The following SMC1B variants were observed in gnomAD, a reference collection of about 807,000 sequenced individuals.
SMC1B encodes structural maintenance of chromosomes protein 1B.
SMC1B carries 60 observed loss-of-function variants against 157.9 expected under a neutral mutation model. That is an observed-to-expected ratio of 0.38 (90% CI 0.31 to 0.47). The LOEUF is 0.47. Ranked by LOEUF, SMC1B falls within the 20% of genes least tolerant of loss-of-function variation. The pLI is 0.99. For synonymous variants in SMC1B, 445 were observed against 483.0 expected, an observed-to-expected ratio of 0.92 and a Z score of 1.03; for missense variants, 1,165 against 1,426.2, an observed-to-expected ratio of 0.82 and a Z score of 2.95.
At chr22:45,379,364 G>C (rs1311219819) in intron 12 of SMC1B, among the ~76,000 whole-genome samples, 1 of 152,122 alleles carries the variant, frequency 6.6e-6, no homozygotes. Context: ...ATCTTTTAAT[G>C]GGAGACTTAA....
chr22:45,354,252 C>G (rs2086647876), intron 20 of SMC1B, 120 bp from the exon 21 acceptor site: 2 of 698,158 alleles, frequency 2.9e-6, no homozygotes, highest in Non-Finnish European at 4.5e-6. Flanking sequence ...AGTAAAGGTA[C>G]CTTCAAAATA....
intron 19 of SMC1B, among the ~76,000 whole-genome samples, chr22:45,358,096 T>G (rs1324945002): frequency 6.6e-6 from 1 of 152,202 alleles, no homozygotes; most frequent in East Asian, 1.9e-4. Flanking sequence ...TCCAGGTTGG[T>G]GACCACACAA....
At chr22:45,412,635 T>C (rs2146864841) in intron 1 of SMC1B, among the ~76,000 whole-genome samples, 1 of 150,316 alleles carries the variant, frequency 6.7e-6, no homozygotes. Flanking sequence ...GCCTCCAGAG[T>C]AGTTGGGATT....
At chr22:45,386,754 G>T in intron 11 of SMC1B, 113 bp downstream of exon 11, 1 of 944,442 alleles carries the variant, frequency 1.1e-6, no homozygotes, top group Non-Finnish European at 1.5e-6. Context: ...GTTCTCTTTA[G>T]AAAAAAGAAC....
chr22:45,407,997 A>G (rs2087283360), intron 2 of SMC1B, among the ~76,000 whole-genome samples: 1 of 152,232 alleles, frequency 6.6e-6, no homozygotes, highest in South Asian at 2.1e-4. Flanking sequence ...TTGGTGGTAG[A>G]AAAAACTGTC....
In SMC1B at chr22:45,406,532, A is replaced by T; in HGVS notation, c.543T>A (p.Asp181Glu). ...KKRKLQKAEE[D>E]AQFNFNKKKN... The stretch of plus-strand genomic sequence containing the variant: ...TTTTCTTATTAAAGTTAAACTGTGC[A>T]TCCTCTTCGGCTTTTTGTAACTTTC... The change falls in exon 4 of 25, where the codon GAT becomes GAA. Residue 181 changes from aspartate to glutamate, a missense_variant. By Grantham distance (45) the Asp-to-Glu change is conservative. Transcript: ENST00000357450. The T allele has an allele frequency of 6.2e-7, 1 of 1,613,168 alleles. No individual in the cohort carries two copies. Among genetic ancestry groups the T allele is most frequent in the Non-Finnish European group, 8.5e-7 (1 of 1,179,902 alleles).
chr22:45,362,479 T>C (rs892992454), intron 16 of SMC1B, among the ~76,000 whole-genome samples: 1 of 152,180 alleles, frequency 6.6e-6, no homozygotes, highest in African/African-American at 2.4e-5. Flanking sequence ...ACCATTCTCA[T>C]GTGGTTTCAG....
At chr22:45,365,062 C>T (rs746972093) in intron 15 of SMC1B, among the ~76,000 whole-genome samples, 2 of 152,062 alleles carry the variant, frequency 1.3e-5, no homozygotes, top group African/African-American at 2.4e-5. Context: ...TGGTCTCGAT[C>T]GCCTGACCTC....
chr22:45,410,435 G>A (rs756752284), intron 1 of SMC1B, among the ~76,000 whole-genome samples: 14 of 152,162 alleles, frequency 9.2e-5, no homozygotes, highest in Non-Finnish European at 1.3e-4. Context: ...GGGCGCAGCA[G>A]CTCACACCTG....
chr22:45,344,513 G>C lies in SMC1B; in HGVS notation c.*43C>G, dbSNP rs765202796. 2 of 1,392,136 alleles carry C rather than the reference G, an allele frequency of 1.4e-6. No individual in the cohort carries two copies. The highest frequency in any genetic ancestry group is 1.2e-5 in the South Asian group (1 of 86,294). 86.2% of individuals were successfully genotyped at this position (1,392,136 alleles called of 1,614,324 possible). A position where few individuals can be genotyped will look rare whatever the true frequency, so the allele number is the denominator to read the frequency against. On this transcript the variant is annotated 3_prime_UTR_variant, in exon 25 of 25. Coordinates refer to ENST00000357450, the MANE Select transcript of SMC1B (RefSeq NM_148674.5). The stretch of plus-strand genomic sequence containing the variant: ...GTGGAGGAGCTGTGTGAGTATTAGA[G>C]TGGGAACTGAACAGTGATCAGGTGA...
intron 12 of SMC1B, among the ~76,000 whole-genome samples, chr22:45,380,030 C>T (rs1342978383): frequency 6.6e-6 from 1 of 152,116 alleles, no homozygotes; most frequent in Non-Finnish European, 1.5e-5. Context: ...AGCTATTGCT[C>T]CCAGCCACTT....
chr22:45,359,935 T>C lies in SMC1B; in HGVS notation c.2732A>G (p.Glu911Gly), dbSNP rs1282513472. The C allele has an allele frequency of 1.2e-6, 2 of 1,613,226 alleles. No individual in the cohort carries two copies. Among genetic ancestry groups the C allele is most frequent in the Middle Eastern group, 1.7e-4 (1 of 6,058 alleles). Residue 911 changes from glutamate (E) to glycine (G), a missense_variant, in exon 18 of 25, where the codon GAA becomes GGA. Transcript: ENST00000357450. ...VDREVGKLQK[E>G]VVSIQTSLEQ... ...CAGAGAAGTTTGAATACTTACAACT[T>C]CTTTTTGCAATTTCCCCACTTCCCT... is the stretch of plus-strand genomic sequence containing the variant.
At chr22:45,382,303 A>C (rs1395107009) in intron 12 of SMC1B, among the ~76,000 whole-genome samples, 1 of 152,234 alleles carries the variant, frequency 6.6e-6, no homozygotes, top group Non-Finnish European at 1.5e-5. Flanking sequence ...AAAAGGAATA[A>C]ACTTTTGATA....
At chr22:45,366,644 T>C (rs1273094511) in intron 15 of SMC1B, among the ~76,000 whole-genome samples, 1 of 152,188 alleles carries the variant, frequency 6.6e-6, no homozygotes, top group Non-Finnish European at 1.5e-5. Context: ...ACACCTGTAA[T>C]CCCAGCACTT....
intron 1 of SMC1B, among the ~76,000 whole-genome samples, chr22:45,409,638 G>T (rs2087308273): frequency 6.6e-6 from 1 of 151,550 alleles, no homozygotes; most frequent in Non-Finnish European, 1.5e-5. Flanking sequence ...CTAAATCCAG[G>T]ATCGAGGGCT....
chr22:45,404,994 T>C (rs1454547983), intron 4 of SMC1B, among the ~76,000 whole-genome samples: 2 of 152,172 alleles, frequency 1.3e-5, no homozygotes, highest in African/African-American at 4.8e-5. Flanking sequence ...TAGGGTAATG[T>C]GCTAGTACAA....
intron 4 of SMC1B, among the ~76,000 whole-genome samples, chr22:45,404,785 C>T (rs992831696): frequency 6.6e-6 from 1 of 152,172 alleles, no homozygotes; most frequent in Non-Finnish European, 1.5e-5. Flanking sequence ...TGTATAAAAC[C>T]TAGCTGTGGC....
intron 4 of SMC1B, among the ~76,000 whole-genome samples, chr22:45,404,814 T>C (rs1020664173): frequency 6.6e-6 from 1 of 152,236 alleles, no homozygotes; most frequent in Non-Finnish European, 1.5e-5. Context: ...CTTGGGCACA[T>C]GTTCTCAGGA....
intron 10 of SMC1B, among the ~76,000 whole-genome samples, chr22:45,387,642 G>A (rs906977217): frequency 6.6e-6 from 1 of 152,170 alleles, no homozygotes; most frequent in Non-Finnish European, 1.5e-5. Flanking sequence ...CATAGGAAGT[G>A]TTCCACAAAA....
Sources: allele counts gnomAD v4.1 joint callset (sites outside exome capture counted in the v4.1 genomes callset), GRCh38; gene constraint gnomAD v4.1.1; transcripts MANE v1.5; gene names NCBI Gene and HGNC (gene_info 2026-07-23, HGNC 2026-07-21).